KCNIP4: variants seen among roughly 807,000 people sequenced by gnomAD.
The protein encoded by KCNIP4 is potassium voltage-gated channel interacting protein 4, also known as Kv channel-interacting protein 4.
A neutral mutation model predicts 34.0 loss-of-function variants in KCNIP4; 12 were observed. That is an observed-to-expected ratio of 0.35 (90% CI 0.23 to 0.57). The LOEUF is 0.57. Ranked by LOEUF, KCNIP4 falls within the 20% of genes least tolerant of loss-of-function variation. KCNIP4 has a pLI of 0.83. For synonymous variants in KCNIP4, 124 were observed against 102.2 expected (o/e 1.21, Z -1.29); for missense variants, 238 against 311.7 (o/e 0.76, Z 1.78).
chr4:20,832,230 C>A (rs117937306), intron 3 of KCNIP4, among the ~76,000 whole-genome samples: 1 of 151,976 alleles, frequency 6.6e-6, no homozygotes, highest in Non-Finnish European at 1.5e-5. Context: ...ATAGATTTTA[C>A]GGTCTCTTTA....
intron 1 of KCNIP4, among the ~76,000 whole-genome samples, chr4:21,876,765 G>A (rs1057198965): frequency 6.6e-6 from 1 of 152,122 alleles, no homozygotes; most frequent in Non-Finnish European, 1.5e-5. Context: ...ATAAAAAAGT[G>A]AGTGAAAGTT....
At chr4:20,738,894 T>C (rs768927695) in intron 5 of KCNIP4, among the ~76,000 whole-genome samples, 4 of 152,134 alleles carry the variant, frequency 2.6e-5, no homozygotes, top group Non-Finnish European at 4.4e-5. Flanking sequence ...CCTGCCAATA[T>C]TGTGCTTTTC....
intron 1 of KCNIP4, among the ~76,000 whole-genome samples, chr4:21,477,032 C>G (rs1731038096): frequency 6.6e-6 from 1 of 152,072 alleles, no homozygotes; most frequent in Admixed American, 6.6e-5. Context: ...TGCTTGTTAC[C>G]AGCGGTTTCT....
chr4:21,776,972 C>T (rs1719222641), intron 1 of KCNIP4, among the ~76,000 whole-genome samples: 2 of 152,050 alleles, frequency 1.3e-5, no homozygotes, highest in African/African-American at 4.8e-5. Flanking sequence ...AGGGTTTCAC[C>T]ATATTGGCCA....
intron 1 of KCNIP4, among the ~76,000 whole-genome samples, chr4:21,927,085 T>C (rs1729289198): frequency 6.6e-6 from 1 of 152,174 alleles, no homozygotes; most frequent in Non-Finnish European, 1.5e-5. Context: ...CCTACATTCC[T>C]GGGCCTGTGT....
intron 2 of KCNIP4, among the ~76,000 whole-genome samples, chr4:20,878,508 A>G (rs1724311776): frequency 1.3e-5 from 2 of 152,188 alleles, no homozygotes; most frequent in African/African-American, 4.8e-5. Context: ...TACTTCTGCT[A>G]TAACACTTAT....
Position 21,083,724 on chromosome 4 carries a change from C to T in KCNIP4, c.62-201015G>A, listed in dbSNP as rs182832028. ...GGCACCTTTAATTCTGGCTTCTGGC[C>T]TTCCTAACTGAAGAGATAATAAATA... is the stretch of plus-strand genomic sequence containing the variant. On this transcript the variant is annotated intron_variant, in intron 1 of 8. Coordinates refer to ENST00000382152, the MANE Select transcript of KCNIP4 (RefSeq NM_025221.6). Among the ~76,000 whole-genome samples, 117 of 152,034 alleles carry T rather than the reference C, an allele frequency of 7.7e-4. 5 individuals carry two copies. The highest frequency in any genetic ancestry group is 2.8e-3 in the African/African-American group (116 of 41,362).
intron 1 of KCNIP4, among the ~76,000 whole-genome samples, chr4:21,925,563 C>A (rs1729197176): frequency 1.3e-5 from 2 of 151,992 alleles, no homozygotes; most frequent in Non-Finnish European, 2.9e-5. Context: ...CTTTTTCATC[C>A]TCCAGGGCTG....
At chr4:21,915,047 C>G (rs1728548828) in intron 1 of KCNIP4, among the ~76,000 whole-genome samples, 1 of 152,038 alleles carries the variant, frequency 6.6e-6, no homozygotes, top group African/African-American at 2.4e-5. Flanking sequence ...GCAGTTGAAT[C>G]TTATAATAAA....
intron 1 of KCNIP4, among the ~76,000 whole-genome samples, chr4:21,035,704 G>A (rs988022249): frequency 1.3e-5 from 2 of 152,154 alleles, no homozygotes; most frequent in Non-Finnish European, 2.9e-5. Context: ...CGATTGTAGT[G>A]GGTACTGTTG....
Position 20,998,803 on chromosome 4 carries a change from G to C in KCNIP4, c.62-116094C>G, listed in dbSNP as rs73805252. The stretch of plus-strand genomic sequence containing the variant: ...AGGATGACTCAATGTCTTGACACCA[G>C]TGAGAATAAATTGCACAGTCGGTGC... On this transcript the variant is annotated intron_variant, in intron 1 of 8. Transcript: ENST00000382152. Among the ~76,000 whole-genome samples, 811 of 152,336 alleles carry C rather than the reference G, an allele frequency of 5.3e-3. 7 individuals are homozygous for C. Among genetic ancestry groups the C allele is most frequent in the African/African-American group, 0.018 (754 of 41,576 alleles).
chr4:21,771,786 A>G (rs1251806764), intron 1 of KCNIP4, among the ~76,000 whole-genome samples: 2 of 152,196 alleles, frequency 1.3e-5, no homozygotes, highest in Non-Finnish European at 2.9e-5. Flanking sequence ...TTGTATCCTG[A>G]AACTTTGCTG....
chr4:20,737,426 A>T (rs929667484), intron 5 of KCNIP4, among the ~76,000 whole-genome samples: 2 of 152,202 alleles, frequency 1.3e-5, no homozygotes, highest in African/African-American at 4.8e-5. Context: ...TGAAGAGAAG[A>T]ATCTAAAAAG....
chr4:21,521,699 C>G (rs1211251490), intron 1 of KCNIP4, among the ~76,000 whole-genome samples: 2 of 152,120 alleles, frequency 1.3e-5, no homozygotes, highest in Non-Finnish European at 2.9e-5. Context: ...ACCCAAAGAA[C>G]CACCTCCTCC....
chr4:21,218,677 G>T (rs761797253), intron 1 of KCNIP4, among the ~76,000 whole-genome samples: 11 of 152,084 alleles, frequency 7.2e-5, no homozygotes, highest in Non-Finnish European at 1.0e-4. Flanking sequence ...TCTCATATAC[G>T]TACAAAGGAT....
chr4:21,740,881 G>C (rs17563311), intron 1 of KCNIP4, among the ~76,000 whole-genome samples: 13,910 of 152,074 alleles, frequency 0.091, 674 homozygotes, highest in Middle Eastern at 0.18. Flanking sequence ...GTCAAGAAAA[G>C]AAAATATGCT....
At chr4:20,862,864 A>G (rs1264381931) in intron 2 of KCNIP4, among the ~76,000 whole-genome samples, 1 of 152,230 alleles carries the variant, frequency 6.6e-6, no homozygotes, top group Non-Finnish European at 1.5e-5. Context: ...AAATTAATCC[A>G]GGAACAGACA....
intron 1 of KCNIP4, among the ~76,000 whole-genome samples, chr4:21,644,830 A>C (rs1345117541): frequency 2.0e-5 from 3 of 152,138 alleles, no homozygotes; most frequent in African/African-American, 7.2e-5. Context: ...TGATCTCTCT[A>C]TGATTTATCA....
intron 1 of KCNIP4, among the ~76,000 whole-genome samples, chr4:21,804,542 C>A (rs1383874914): frequency 6.6e-6 from 1 of 152,118 alleles, no homozygotes; most frequent in East Asian, 1.9e-4. Flanking sequence ...TGATGAAAAC[C>A]TGAATGAATA....
Sources: gnomAD v4.1 joint callset for allele counts (sites outside exome capture counted in the v4.1 genomes callset) on GRCh38, gnomAD v4.1.1 for gene constraint, MANE v1.5 for transcripts, NCBI Gene and HGNC (gene_info 2026-07-23, HGNC 2026-07-21) for gene names.